Variants in ARHGAP40 observed in about 807,000 individuals in gnomAD.
ARHGAP40 encodes Rho GTPase activating protein 40.
Under a neutral mutation model 73.5 loss-of-function variants are expected in ARHGAP40, and 43 were observed. The ratio of observed to expected loss-of-function variants is 0.58; its 90% CI spans 0.46 to 0.75. ARHGAP40 has a LOEUF of 0.75. Among genes scored for constraint, ARHGAP40 ranks in the 30% least tolerant of loss-of-function variants. The probability of loss-of-function intolerance (pLI) is 0.00; values close to 1 mark genes in which losing one functional copy is unlikely to be tolerated. For missense variants in ARHGAP40, 734 were observed against 861.8 expected, an observed-to-expected ratio of 0.85 and a Z score of 1.86; for synonymous variants, 300 against 352.8, an observed-to-expected ratio of 0.85 and a Z score of 1.68.
At chr20:38,650,631 A>C (rs2089084262) in exon 15 of ARHGAP40, 1 of 471,086 alleles carries the variant, frequency 2.1e-6, no homozygotes, top group Non-Finnish European at 4.4e-6. Flanking sequence ...TTAAACAGTA[A>C]AGGCACAACA....
intron 5 of ARHGAP40, among the ~76,000 whole-genome samples, chr20:38,632,356 G>T (rs564203204): frequency 6.6e-6 from 1 of 151,972 alleles, no homozygotes; most frequent in African/African-American, 2.4e-5. Flanking sequence ...TCCGCCCCCT[G>T]GGTTCATGCC....
At chr20:38,640,218 C>CT (rs1332037073) in intron 9 of ARHGAP40, among the ~76,000 whole-genome samples, 5,849 of 91,044 alleles carry the variant, frequency 0.064, 494 homozygotes, top group African/African-American at 0.21. Context: ...TTCTTTCTTT[C>CT]TTTTTTTTTT....
chr20:38,649,769 T>C lies in ARHGAP40; in HGVS notation c.1949T>C (p.Leu650Pro), dbSNP rs780139234. 2.3e-6 allele frequency: 3 copies of C among 1,305,058 alleles called. No homozygotes were observed. Among genetic ancestry groups the C allele is most frequent in the Admixed American group, 4.6e-5 (2 of 43,544 alleles). 80.8% of individuals were successfully genotyped at this position (1,305,058 alleles called of 1,614,324 possible). ...CTTCTTCCCACAGATGAGCATCGCC[T>C]GGACCCAGATGCCTACCTCTTAGAT... Residue 650 changes from leucine to proline, a missense_variant, in exon 15 of 15, where the codon CTG (leucine) becomes CCG (proline). Physicochemically the swap from Leu to Pro is moderately conservative, Grantham distance 98. Transcript: ENST00000373345.
intron 11 of ARHGAP40, among the ~76,000 whole-genome samples, chr20:38,645,808 C>T (rs1178866272): frequency 6.6e-6 from 1 of 152,232 alleles, no homozygotes; most frequent in African/African-American, 2.4e-5. Flanking sequence ...CCACTATCCA[C>T]TAAGCCTCAG....
At chr20:38,608,925 C>A (rs2088788854) in intron 1 of ARHGAP40, among the ~76,000 whole-genome samples, 1 of 152,168 alleles carries the variant, frequency 6.6e-6, no homozygotes, top group Non-Finnish European at 1.5e-5. Context: ...TCTGCAAAGG[C>A]AAGAGTGGCC....
Position 38,646,239 on chromosome 20 carries a change from G to A in ARHGAP40, c.1710+52G>A, listed in dbSNP as rs752362782. The A allele has an allele frequency of 1.6e-6, 2 of 1,245,588 alleles. No individual in the cohort carries two copies. Among genetic ancestry groups the A allele is most frequent in the Non-Finnish European group, 2.1e-6 (2 of 954,438 alleles). 77.2% of individuals were successfully genotyped at this position (1,245,588 alleles called of 1,614,324 possible). ...GGAGAAGGGCCGAGGCGACAGGAGG[G>A]CACCTGGGGCGCGGTGCTTCCCTTC... On this transcript the variant is annotated intron_variant, in intron 12 of 14. Transcript: ENST00000373345. The surrounding 1 kb of genome is among the most constrained non-coding windows in gnomAD (Gnocchi z 4.5).
chr20:38,643,280 C>A, intron 10 of ARHGAP40, among the ~76,000 whole-genome samples: 1 of 152,234 alleles, frequency 6.6e-6, no homozygotes, highest in East Asian at 1.9e-4. Flanking sequence ...TCACTTTCTG[C>A]TGCTCTTCTC....
At chr20:38,638,587 G>C (rs2088992767) in intron 7 of ARHGAP40, among the ~76,000 whole-genome samples, 174 bp from the exon 8 acceptor site, 1 of 152,190 alleles carries the variant, frequency 6.6e-6, no homozygotes, top group Non-Finnish European at 1.5e-5. Context: ...AAATGTGTAT[G>C]AAGCTCTCAG....
intron 5 of ARHGAP40, among the ~76,000 whole-genome samples, chr20:38,633,113 A>G (rs2088951626): frequency 7.0e-6 from 1 of 143,362 alleles, no homozygotes; most frequent in South Asian, 2.2e-4. Context: ...GCAGAGTGAG[A>G]CTCCGTCTCA....
At chr20:38,615,896 G>A (rs2088834207) in intron 1 of ARHGAP40, among the ~76,000 whole-genome samples, 3 of 152,208 alleles carry the variant, frequency 2.0e-5, no homozygotes, top group South Asian at 2.1e-4. Flanking sequence ...AGGTGGCTGG[G>A]GATTAGTTGC....
Position 38,646,206 on chromosome 20 carries a change from A to G in ARHGAP40, c.1710+19A>G. The G allele has an allele frequency of 7.7e-7, 1 of 1,294,140 alleles. No homozygotes were observed. The highest frequency in any genetic ancestry group is 1.0e-6 in the Non-Finnish European group (1 of 982,608). The allele number at this position is 1,294,140 out of a possible 1,614,324, so 80.2% of individuals were successfully genotyped here. On this transcript the variant is annotated intron_variant, in intron 12 of 14. Coordinates refer to ENST00000373345, the Ensembl canonical transcript of ARHGAP40. This position sits in a 1 kb window ranked among gnomAD's most constrained non-coding sequence, Gnocchi z 4.5. ...CGAGGCGGTGAGTGCCCCCGACCCCAGACAGGTGGAGAAGGGCCGAGGCGA... is the reference window on the plus strand; with the variant it reads ...CGAGGCGGTGAGTGCCCCCGACCCCGGACAGGTGGAGAAGGGCCGAGGCGA...
chr20:38,624,845 C>A (rs558606502), intron 2 of ARHGAP40, among the ~76,000 whole-genome samples: 24 of 152,360 alleles, frequency 1.6e-4, no homozygotes, highest in African/African-American at 5.8e-4. Flanking sequence ...ATGATCACTG[C>A]CTGACTTTAC....
intron 1 of ARHGAP40, chr20:38,614,992 G>T: frequency 8.3e-7 from 1 of 1,210,204 alleles, no homozygotes; most frequent in Non-Finnish European, 1.2e-6. Flanking sequence ...GCTTGTGTGA[G>T]GAAAGTCCCG....
chr20:38,631,773 C>A (rs1160784648), intron 5 of ARHGAP40, among the ~76,000 whole-genome samples: 3 of 152,144 alleles, frequency 2.0e-5, no homozygotes, highest in African/African-American at 4.8e-5. Flanking sequence ...GCTTAGGAAA[C>A]CAACCCCACC....
intron 1 of ARHGAP40, among the ~76,000 whole-genome samples, chr20:38,613,946 A>T (rs1282323475): frequency 6.6e-6 from 1 of 152,112 alleles, no homozygotes; most frequent in East Asian, 1.9e-4. Context: ...TCTTAATGGG[A>T]AAGTTGTAGC....
chr20:38,605,495 G>A (rs1380855466), intron 1 of ARHGAP40, among the ~76,000 whole-genome samples: 1 of 152,218 alleles, frequency 6.6e-6, no homozygotes, highest in African/African-American at 2.4e-5. Flanking sequence ...TTAAAACCAT[G>A]CAATATTGGC....
At chr20:38,627,581 T>TA (rs1480284886) in intron 3 of ARHGAP40, among the ~76,000 whole-genome samples, 5 of 90,804 alleles carry the variant, frequency 5.5e-5, no homozygotes, top group Admixed American at 1.1e-4. Flanking sequence ...AGTGTGTGTG[T>TA]TGTGTGTGTT....
chr20:38,602,913 C>T (rs2088743890), intron 1 of ARHGAP40, among the ~76,000 whole-genome samples: 1 of 152,176 alleles, frequency 6.6e-6, no homozygotes, highest in Non-Finnish European at 1.5e-5. Flanking sequence ...CAGTTCCTGG[C>T]TAATGGACAT....
chr20:38,648,448 C>T (rs1363683571), intron 13 of ARHGAP40, among the ~76,000 whole-genome samples, 195 bp from the exon 14 acceptor site: 1 of 152,222 alleles, frequency 6.6e-6, no homozygotes, highest in Non-Finnish European at 1.5e-5. Flanking sequence ...GCTACCTCTC[C>T]CCAGCCCCTG....
Sources: gnomAD v4.1 joint callset for allele counts (sites outside exome capture counted in the v4.1 genomes callset) on GRCh38, gnomAD v4.1.1 for gene constraint, Gnocchi (gnomAD v3.1) non-coding constraint, MANE v1.5 for transcripts, NCBI Gene and HGNC (gene_info 2026-07-23, HGNC 2026-07-21) for gene names.